Variants in PCAT7 observed in about 807,000 individuals in gnomAD.
PCAT7 encodes the protein prostate cancer associated transcript 7 (non-protein coding).
At chr9:94,565,643 C>G (rs114625686) in intron 2 of PCAT7, among the ~76,000 whole-genome samples, 1,744 of 151,852 alleles carry the variant, frequency 0.011, 33 homozygotes, top group African/African-American at 0.04. Context: ...AAGGACTTGA[C>G]ATAACAGAGA....
rs186139496 is a variant in PCAT7 at position 94,563,722 on chromosome 9, C to T, written n.441+4570C>T. Among the ~76,000 whole-genome samples the T allele has an allele frequency of 1.0e-3, 105 of 103,000 alleles. 2 individuals carry two copies. Among genetic ancestry groups the T allele is most frequent in the Non-Finnish European group, 4.9e-4 (23 of 47,156 alleles). 67.6% of individuals were successfully genotyped at this position (103,000 alleles called of 152,430 possible). ...TATCCTGCAGCAATCTTAAAAGAGC[C>T]GCTAAACAAACAAAGAAAAAGGAAG... is the stretch of plus-strand genomic sequence containing the variant. On this transcript the variant is annotated intron_variant and non_coding_transcript_variant, in intron 2 of 8. Transcript: ENST00000647389.
chr9:94,569,150 A>T (rs1009483032), intron 2 of PCAT7: 2 of 152,226 alleles, frequency 1.3e-5, no homozygotes, highest in African/African-American at 4.8e-5. Context: ...AGGAAGACTC[A>T]TATCTGGGCC....
intron 2 of PCAT7, chr9:94,563,339 T>G (rs1445690465): frequency 1.2e-6 from 2 of 1,613,478 alleles, no homozygotes; most frequent in Non-Finnish European, 1.7e-6. Context: ...AAGGGAGAAT[T>G]ACCTTGCCCT....
chr9:94,573,203 C>CA (rs1827286388), intron 3 of PCAT7, among the ~76,000 whole-genome samples: 1 of 152,170 alleles, frequency 6.6e-6, no homozygotes, highest in Non-Finnish European at 1.5e-5. Context: ...GTAATGCTAG[C>CA]TGTAGATGTA....
intron 2 of PCAT7, among the ~76,000 whole-genome samples, chr9:94,564,739 A>G (rs1827161532): frequency 6.6e-6 from 1 of 152,198 alleles, no homozygotes; most frequent in Non-Finnish European, 1.5e-5. Context: ...GAGACAAACA[A>G]TCTATACAGC....
intron 2 of PCAT7, chr9:94,568,588 G>T (rs1437914662): frequency 1.3e-5 from 2 of 152,156 alleles, no homozygotes; most frequent in Non-Finnish European, 2.9e-5. Flanking sequence ...AGGCCAGAAG[G>T]TTCCCAAGGA....
intron 2 of PCAT7, among the ~76,000 whole-genome samples, chr9:94,572,635 C>T (rs1022815185): frequency 3.9e-5 from 6 of 152,098 alleles, no homozygotes; most frequent in African/African-American, 1.2e-4. Context: ...GTACCAACTC[C>T]GTCTTGTTCC....
intron 2 of PCAT7, chr9:94,569,637 G>A (rs1026038941): frequency 2.6e-5 from 4 of 152,106 alleles, no homozygotes; most frequent in African/African-American, 9.7e-5. Context: ...CACCAACAAC[G>A]GCTGATTTTT....
intron 2 of PCAT7, among the ~76,000 whole-genome samples, chr9:94,565,729 A>AGATAGAT (rs958800933): frequency 2.1e-5 from 2 of 97,222 alleles, no homozygotes; most frequent in Non-Finnish European, 4.3e-5. Context: ...AGATATAGGT[A>AGATAGAT]GATAGATGAT....
intron 2 of PCAT7, chr9:94,571,721 T>A: frequency 1.1e-6 from 1 of 915,582 alleles, no homozygotes; most frequent in Non-Finnish European, 1.6e-6. Context: ...CTTTGAATTT[T>A]AAGCTGCTGC....
At position 94,555,600 on chromosome 9, in the gene PCAT7, C is replaced by T. The variant is rs545735036; in HGVS notation, n.257+290C>T. ...AGAGTGGTGAGGGGGGGAAAATGGG[C>T]GAGCAGTAGGGAGAGAAGGTTTTGT... is the stretch of plus-strand genomic sequence containing the variant. On this transcript the variant is annotated intron_variant and non_coding_transcript_variant, in intron 1 of 8. Coordinates refer to ENST00000647389, the Ensembl canonical transcript of PCAT7. 7.0e-5 allele frequency among the ~76,000 whole-genome samples: 10 copies of T among 143,524 alleles called. No individual in the cohort carries two copies. The South Asian group carries it at 2.3e-3, about 33-fold the overall frequency. 94.2% of individuals were successfully genotyped at this position (143,524 alleles called of 152,430 possible). A position where few individuals can be genotyped will look rare whatever the true frequency, so the allele number is the denominator to read the frequency against.
intron 2 of PCAT7, chr9:94,572,919 G>A (rs1827283916): frequency 6.6e-6 from 1 of 151,410 alleles, no homozygotes; most frequent in African/African-American, 2.4e-5. Flanking sequence ...TCTTGATCTT[G>A]TATCCTGTGA....
At chr9:94,569,506 G>C (rs1037082041) in intron 2 of PCAT7, 2 of 152,274 alleles carry the variant, frequency 1.3e-5, no homozygotes, top group African/African-American at 4.8e-5. Context: ...ATCAGGGCGG[G>C]TGAAAACGCC....
chr9:94,568,720 A>G (rs557025504), intron 2 of PCAT7: 3 of 152,310 alleles, frequency 2.0e-5, no homozygotes, highest in Admixed American at 2.0e-4. Flanking sequence ...AAGGAGACTC[A>G]ATAACAAAAA....
exon 1 of PCAT7, chr9:94,555,128 G>GT (rs145410254): frequency 2.6e-5 from 4 of 151,730 alleles, no homozygotes; most frequent in East Asian, 1.9e-4. Context: ...TTTTGTTGTT[G>GT]TTTTTTTTGT....
chr9:94,567,538 G>C (rs922018914), intron 2 of PCAT7: 19 of 1,065,280 alleles, frequency 1.8e-5, no homozygotes, highest in Non-Finnish European at 1.2e-5. Flanking sequence ...TGGTCACTCT[G>C]AACCTGCTCT....
intron 2 of PCAT7, chr9:94,559,250 G>T: frequency 5.1e-6 from 4 of 789,164 alleles, no homozygotes; most frequent in South Asian, 3.7e-5. Context: ...TAGCATGAGC[G>T]CACCATGCAC....
chr9:94,570,936 A>T (rs1338308963), intron 2 of PCAT7: 1 of 152,234 alleles, frequency 6.6e-6, no homozygotes, highest in African/African-American at 2.4e-5. Context: ...CAAAAACTTA[A>T]ATACTTAACC....
intron 2 of PCAT7, among the ~76,000 whole-genome samples, chr9:94,566,394 C>CA (rs1188769406): frequency 6.6e-6 from 1 of 152,266 alleles, no homozygotes; most frequent in Non-Finnish European, 1.5e-5. Context: ...AACAATAGCA[C>CA]GAGTGATCTG....
Sources: gnomAD v4.1 joint callset for allele counts (sites outside exome capture counted in the v4.1 genomes callset) on GRCh38, gnomAD v4.1.1 for gene constraint, MANE v1.5 for transcripts, NCBI Gene and HGNC (gene_info 2026-07-23, HGNC 2026-07-21) for gene names.